COL6A6: variants seen among roughly 807,000 people sequenced by gnomAD.
COL6A6 encodes the protein collagen alpha-6(VI) chain.
COL6A6 carries 183 observed loss-of-function variants against 208.6 expected under a neutral mutation model. The ratio of observed to expected loss-of-function variants is 0.88; its 90% confidence interval spans 0.78 to 0.99. The LOEUF (loss-of-function observed/expected upper bound fraction) is 0.99, where lower values mean the gene tolerates loss of function less well. Ranked by LOEUF, COL6A6 falls within the 50% of genes least tolerant of loss-of-function variation. The pLI, the probability that COL6A6 is intolerant of heterozygous loss-of-function variation, is 0.00. For synonymous variants in COL6A6, 973 were observed against 1,011.8 expected, an observed-to-expected ratio of 0.96 and a Z score of 0.73; for missense variants, 2,816 against 2,815.2, an observed-to-expected ratio of 1.00 and a Z score of -0.01.
intron 3 of COL6A6, 120 bp downstream of exon 3, chr3:130,563,784 T>C: frequency 1.5e-6 from 1 of 667,432 alleles, no homozygotes; most frequent in Non-Finnish European, 2.6e-6. Context: ...TTTCAGATGT[T>C]ATGTACCCAT....
chr3:130,661,566 C>A, intron 34 of COL6A6, 71 bp from the exon 35 acceptor site: 1 of 1,276,856 alleles, frequency 7.8e-7, no homozygotes, highest in South Asian at 1.5e-5. Context: ...TTCCAAATGT[C>A]AAAATATTTG....
In COL6A6 at chr3:130,649,468, CCAT is replaced by C. The variant is rs757777136; in HGVS notation, c.5642_5644del (p.Ile1881del). 6.2e-7 allele frequency: 1 copy of C among 1,611,574 alleles called. No individual in the cohort carries two copies. The highest frequency in any genetic ancestry group is 1.7e-5 in the Admixed American group (1 of 59,736). The stretch of plus-strand genomic sequence containing the variant: ...AGCGGTCAGTCCGCGGATGCCCACT[CCAT>C]CACCACGGCTGCCATGGAGTTCGGC... On this transcript the variant is annotated inframe_deletion, in exon 33 of 37. Coordinates refer to ENST00000358511, the MANE Select transcript of COL6A6 (RefSeq NM_001102608.3).
chr3:130,665,091 C>T lies in COL6A6; in HGVS notation c.6591C>T (p.Phe2197=). Residue 2197 remains phenylalanine (F), a synonymous_variant, in exon 36 of 37, where the codon TTC becomes TTT. Transcript: ENST00000358511. ...ATCCAAAGCAGCCCCCACGACCATT[C>T]CGAAGGTACTGTCTGTTTGGTGTTA... is the stretch of plus-strand genomic sequence containing the variant. The part of the protein sequence containing the change: ...SIDPKQPPRP[F]RSFVPGPLKA... The T allele has an allele frequency of 6.2e-7, 1 of 1,604,956 alleles. No individual in the cohort carries two copies. The highest frequency in any genetic ancestry group is 8.5e-7 in the Non-Finnish European group (1 of 1,174,200).
intron 36 of COL6A6, among the ~76,000 whole-genome samples, chr3:130,673,148 C>T (rs1255675676): frequency 7.3e-6 from 1 of 136,258 alleles, no homozygotes; most frequent in Non-Finnish European, 1.5e-5. Flanking sequence ...CACTGCACTC[C>T]AGCCTGGGCG....
rs552021575 is a variant in COL6A6, at chr3:130,561,963, T to C, written c.65-1105T>C. Among the ~76,000 whole-genome samples, 3 of 152,348 alleles carry C rather than the reference T, an allele frequency of 2.0e-5. No individual in the cohort carries two copies. The East Asian group carries it at 5.8e-4, about 29-fold the overall frequency. On this transcript the variant is annotated intron_variant, in intron 2 of 36. Coordinates refer to ENST00000358511, the MANE Select transcript of COL6A6 (RefSeq NM_001102608.3). The stretch of plus-strand genomic sequence containing the variant: ...CACCGCGCCCGGCTGAATCTACTTA[T>C]TTTAAAGAAGAAAAAACTAAGGCCC...
intron 23 of COL6A6, among the ~76,000 whole-genome samples, chr3:130,619,340 G>A (rs753463466): frequency 2.0e-5 from 3 of 152,082 alleles, no homozygotes; most frequent in Non-Finnish European, 4.4e-5. Flanking sequence ...TCTCCCTAGA[G>A]GGAAAAAAAT....
chr3:130,615,701 T>C (rs958913960), intron 23 of COL6A6, among the ~76,000 whole-genome samples: 10 of 152,206 alleles, frequency 6.6e-5, no homozygotes, highest in African/African-American at 1.4e-4. Context: ...GTACCATAAA[T>C]TGAAATTTGT....
chr3:130,530,898 CCTG>C (rs1312652338), intron 1 of COL6A6, among the ~76,000 whole-genome samples: 1 of 152,118 alleles, frequency 6.6e-6, no homozygotes, highest in East Asian at 1.9e-4. Context: ...AACATCAACT[CCTG>C]CTGGAATTTC....
At chr3:130,612,776 A>G (rs1412276965) in intron 23 of COL6A6, among the ~76,000 whole-genome samples, 2 of 152,080 alleles carry the variant, frequency 1.3e-5, no homozygotes, top group African/African-American at 4.8e-5. Flanking sequence ...GGAGGGTTGT[A>G]TGGAGTGGGA....
At chr3:130,524,395 C>G (rs2061912467) in intron 1 of COL6A6, among the ~76,000 whole-genome samples, 1 of 152,318 alleles carries the variant, frequency 6.6e-6, no homozygotes, top group South Asian at 2.1e-4. Context: ...CCACTCTAAA[C>G]ATACAAAGTG....
chr3:130,601,951 T>C (rs1369612115), intron 20 of COL6A6, among the ~76,000 whole-genome samples: 1 of 152,194 alleles, frequency 6.6e-6, no homozygotes, highest in Non-Finnish European at 1.5e-5. Flanking sequence ...CTAACTGCCA[T>C]AGTCCTGAAA....
chr3:130,589,878 A>G, intron 12 of COL6A6: 2 of 309,140 alleles, frequency 6.5e-6, no homozygotes, highest in South Asian at 3.0e-5. Context: ...TTTTTGAATA[A>G]TTTATAGATA....
chr3:130,517,155 G>T (rs1202922233), upstream of COL6A6, among the ~76,000 whole-genome samples: 1 of 152,194 alleles, frequency 6.6e-6, no homozygotes, highest in African/African-American at 2.4e-5. Context: ...GCGTTTATAT[G>T]TCGGCGAGGG....
intron 1 of COL6A6, among the ~76,000 whole-genome samples, chr3:130,558,807 A>G (rs530411192): frequency 6.6e-6 from 1 of 152,366 alleles, no homozygotes; most frequent in African/African-American, 2.4e-5. Flanking sequence ...ACAAGTACCA[A>G]AGTCTCTTAG....
intron 1 of COL6A6, among the ~76,000 whole-genome samples, chr3:130,534,833 G>A (rs1559959295): frequency 6.6e-6 from 1 of 151,932 alleles, no homozygotes; most frequent in Non-Finnish European, 1.5e-5. Context: ...AGTGTTTCAC[G>A]TGAAAATCTA....
chr3:130,606,970 C>T lies in COL6A6; in HGVS notation c.4689+4C>T. On this transcript the variant is annotated splice_donor_region_variant and intron_variant, in intron 21 of 36. Transcript: ENST00000358511. The stretch of plus-strand genomic sequence containing the variant: ...AAGGGGACATACAGGCCCACAGGTA[C>T]AATGATTTTTCCCCTTAACTCCAAA... 1 of 1,606,366 alleles carries T rather than the reference C, an allele frequency of 6.2e-7. No homozygotes were observed. The highest frequency in any genetic ancestry group is 8.5e-7 in the Non-Finnish European group (1 of 1,175,876).
chr3:130,547,029 G>A (rs561429178), intron 1 of COL6A6, among the ~76,000 whole-genome samples: 9 of 152,398 alleles, frequency 5.9e-5, no homozygotes, highest in African/African-American at 1.9e-4. Flanking sequence ...GGGGGCAGCA[G>A]GTGGAGCTGC....
At chr3:130,544,973 C>G (rs528293648) in intron 1 of COL6A6, among the ~76,000 whole-genome samples, 8 of 152,136 alleles carry the variant, frequency 5.3e-5, no homozygotes, top group Non-Finnish European at 1.0e-4. Context: ...GCTGCCTTTT[C>G]ATTTTGTTGA....
intron 8 of COL6A6, among the ~76,000 whole-genome samples, chr3:130,577,535 T>A (rs2063326249): frequency 6.6e-6 from 1 of 152,212 alleles, no homozygotes; most frequent in South Asian, 2.1e-4. Flanking sequence ...CTGCTGTCAC[T>A]TCCAATAACA....
Sources: allele counts gnomAD v4.1 joint callset (sites outside exome capture counted in the v4.1 genomes callset), GRCh38; gene constraint gnomAD v4.1.1; transcripts MANE v1.5; gene names NCBI Gene and HGNC (gene_info 2026-07-23, HGNC 2026-07-21).